The following CENPE variants were observed in gnomAD, a reference collection of about 807,000 sequenced individuals.
The protein encoded by CENPE is centromere-associated protein E.
A neutral mutation model predicts 336.1 loss-of-function variants in CENPE; 145 were observed. That is an observed-to-expected ratio of 0.43 (90% confidence interval 0.38 to 0.50). The LOEUF (loss-of-function observed/expected upper bound fraction) is 0.50. Among genes scored for constraint, CENPE ranks in the 20% least tolerant of loss-of-function variants. The pLI is 0.00. For synonymous variants in CENPE, 1,013 were observed against 984.8 expected (o/e 1.03, Z -0.54); for missense variants, 2,719 against 3,023.3 (o/e 0.90, Z 2.36).
At chr4:103,150,344 G>T (rs926483554) in intron 26 of CENPE, among the ~76,000 whole-genome samples, 1 of 152,212 alleles carries the variant, frequency 6.6e-6, no homozygotes, top group African/African-American at 2.4e-5. Context: ...CACTTTGGAA[G>T]GCTGAGGCAG....
At chr4:103,177,649 A>G (rs975493218) in intron 13 of CENPE, among the ~76,000 whole-genome samples, 11 of 152,014 alleles carry the variant, frequency 7.2e-5, no homozygotes, top group African/African-American at 2.7e-4. Flanking sequence ...TGTATAGCCA[A>G]TTGGTGGCTG....
intron 44 of CENPE, among the ~76,000 whole-genome samples, chr4:103,118,537 A>C (rs899668202): frequency 1.3e-5 from 2 of 152,136 alleles, no homozygotes; most frequent in African/African-American, 4.8e-5. Context: ...AGTCTCAATA[A>C]AATCCAACTT....
chr4:103,125,970 G>A (rs1751061009), intron 42 of CENPE, among the ~76,000 whole-genome samples: 1 of 151,980 alleles, frequency 6.6e-6, no homozygotes, highest in Non-Finnish European at 1.5e-5. Flanking sequence ...TGAGGTCGCA[G>A]GGCAAAGGGA....
In CENPE at chr4:103,120,147, C is replaced by T; in HGVS notation, c.7329+1G>A. ...AACTTTTATTTTTATGTTTAAGTTA[C>T]CTGAAGTACTTGAATTGTCTCTTTT... is the stretch of plus-strand genomic sequence containing the variant. On this transcript the variant is annotated splice_donor_variant, in intron 44 of 48. Coordinates refer to ENST00000265148, the MANE Select transcript of CENPE (RefSeq NM_001813.3). LOFTEE classifies it high-confidence loss of function. The T allele has an allele frequency of 6.3e-7, 1 of 1,583,786 alleles. No homozygotes were observed. The highest frequency in any genetic ancestry group is 8.6e-7 in the Non-Finnish European group (1 of 1,165,232).
chr4:103,161,000 A>G, intron 20 of CENPE, 86 bp downstream of exon 20: 2 of 1,175,004 alleles, frequency 1.7e-6, no homozygotes, highest in African/African-American at 1.6e-5. Context: ...TGAATTTTTA[A>G]TCATTGAAAT....
intron 8 of CENPE, among the ~76,000 whole-genome samples, chr4:103,187,014 G>A (rs1756834544): frequency 6.6e-6 from 1 of 152,152 alleles, no homozygotes; most frequent in African/African-American, 2.4e-5. Flanking sequence ...GTAGACAGGG[G>A]CCAGATTATG....
chr4:103,147,921 T>C (rs1753192650), intron 28 of CENPE, among the ~76,000 whole-genome samples: 1 of 152,158 alleles, frequency 6.6e-6, no homozygotes, highest in South Asian at 2.1e-4. Flanking sequence ...CTCAAACTCC[T>C]GACCTCAGGT....
intron 13 of CENPE, among the ~76,000 whole-genome samples, chr4:103,178,399 C>T (rs1293975252): frequency 6.6e-6 from 1 of 152,206 alleles, no homozygotes; most frequent in Non-Finnish European, 1.5e-5. Context: ...TCTACCATCA[C>T]CTGCCATCTC....
chr4:103,109,119 G>A (rs753379291), intron 47 of CENPE, 30 bp from the exon 48 acceptor site: 4 of 1,551,234 alleles, frequency 2.6e-6, no homozygotes, highest in Non-Finnish European at 3.5e-6. Context: ...AAGAGAGACT[G>A]TAAGACTTCT....
intron 29 of CENPE, 142 bp from the exon 30 acceptor site, chr4:103,146,249 C>T (rs1753047063): frequency 4.0e-6 from 3 of 744,808 alleles, no homozygotes; most frequent in Non-Finnish European, 6.3e-6. Context: ...TCCCACTCTT[C>T]CATTATTCAG....
Position 103,149,407 on chromosome 4 carries a change from CT to C in CENPE, c.3397del (p.Ser1133AlafsTer18). On this transcript the variant is annotated frameshift_variant and splice_region_variant, in exon 27 of 49. Coordinates refer to ENST00000265148, the MANE Select transcript of CENPE (RefSeq NM_001813.3). LOFTEE classifies it high-confidence loss of function. ...AEVEEKLKEK[S>X]QQLQEKQQQL... Reference sequence around the variant, plus strand: ...TTGCTGTTTTTCTTGGAGTTGCTGGCTCTTAAAATGCACAATTTTTATAATT... The same window carrying C: ...TTGCTGTTTTTCTTGGAGTTGCTGGCCTTAAAATGCACAATTTTTATAATT... The C allele has an allele frequency of 6.4e-7, 1 of 1,553,176 alleles. No individual in the cohort carries two copies.
At chr4:103,170,851 C>T (rs1253689692) in intron 16 of CENPE, among the ~76,000 whole-genome samples, 2 of 152,018 alleles carry the variant, frequency 1.3e-5, no homozygotes, top group African/African-American at 4.8e-5. Flanking sequence ...AAAGATATTC[C>T]ATGCAAACTG....
Position 103,153,127 on chromosome 4 carries a change from T to G in CENPE, c.3157A>C (p.Asn1053His), listed in dbSNP as rs1753692443. 6.2e-7 allele frequency: 1 copy of G among 1,613,022 alleles called. No homozygotes were observed. Among genetic ancestry groups the G allele is most frequent in the African/African-American group, 1.3e-5 (1 of 74,870 alleles). Residue 1053 changes from asparagine (N) to histidine (H), a missense_variant, in exon 25 of 49, where the codon AAT becomes CAT. Coordinates refer to ENST00000265148, the MANE Select transcript of CENPE (RefSeq NM_001813.3). ...RKIFSLIQEK[N>H]ELQQMLESVI... ...CTCTCTAACATTTGTTGGAGTTCAT[T>G]TTTCTCCTGTATTAAAGAAAATATC...
intron 15 of CENPE, 108 bp downstream of exon 15, chr4:103,175,852 G>C (rs1755809527): frequency 1.5e-6 from 1 of 664,038 alleles, no homozygotes; most frequent in Non-Finnish European, 2.4e-6. Flanking sequence ...GCCTTCATTA[G>C]AGCCAAAATC....
chr4:103,180,575 G>T, intron 12 of CENPE, 106 bp from the exon 13 acceptor site: 1 of 677,522 alleles, frequency 1.5e-6, no homozygotes, highest in African/African-American at 1.8e-5. Flanking sequence ...TGAACTATAA[G>T]AATTTTAATT....
intron 42 of CENPE, among the ~76,000 whole-genome samples, chr4:103,126,341 G>C (rs535892804): frequency 6.6e-6 from 1 of 152,208 alleles, no homozygotes; most frequent in South Asian, 2.1e-4. Context: ...AACATGCTGG[G>C]GTTTTGTCAG....
chr4:103,131,193 C>G (rs562754238), intron 42 of CENPE, among the ~76,000 whole-genome samples: 42 of 152,170 alleles, frequency 2.8e-4, no homozygotes, highest in South Asian at 1.2e-3. Context: ...CAAGACACAT[C>G]TGATAAAAGA....
chr4:103,181,290 T>C (rs747549228), intron 12 of CENPE, 47 bp downstream of exon 12: 3 of 1,364,764 alleles, frequency 2.2e-6, no homozygotes, highest in Non-Finnish European at 3.0e-6. Context: ...AGGTCTCCAT[T>C]CTAAATTGGT....
intron 34 of CENPE, among the ~76,000 whole-genome samples, chr4:103,142,164 TG>T (rs1444078209): frequency 6.6e-6 from 1 of 152,232 alleles, no homozygotes; most frequent in Non-Finnish European, 1.5e-5. Context: ...TCATATTTAC[TG>T]TTTCCTTCTG....
Sources: gnomAD v4.1 joint callset for allele counts (sites outside exome capture counted in the v4.1 genomes callset) on GRCh38, gnomAD v4.1.1 for gene constraint, MANE v1.5 for transcripts, NCBI Gene and HGNC (gene_info 2026-07-23, HGNC 2026-07-21) for gene names.